Variants in SCYL2 observed in about 807,000 individuals in gnomAD.
The protein encoded by SCYL2 is SCY1-like protein 2.
A neutral mutation model predicts 100.4 loss-of-function variants in SCYL2; 36 were observed. The observed-to-expected ratio is 0.36, with a 90% CI of 0.27 to 0.47. SCYL2 has a LOEUF of 0.47. Among genes scored for constraint, SCYL2 ranks in the 20% least tolerant of loss-of-function variants. The pLI, the probability that SCYL2 is intolerant of heterozygous loss-of-function variation, is 1.00. For synonymous variants in SCYL2, 330 were observed against 359.2 expected (o/e 0.92, Z 0.92); for missense variants, 902 against 1,083.9 (o/e 0.83, Z 2.36).
At chr12:100,318,639 C>T (rs1342057588) in intron 10 of SCYL2, among the ~76,000 whole-genome samples, 5 of 152,052 alleles carry the variant, frequency 3.3e-5, no homozygotes, top group African/African-American at 9.7e-5. Context: ...GCCACGTGTG[C>T]CTTTTTCTCA....
intron 4 of SCYL2, among the ~76,000 whole-genome samples, chr12:100,306,181 C>T (rs190749841): frequency 1.3e-5 from 2 of 152,270 alleles, no homozygotes; most frequent in African/African-American, 2.4e-5. Context: ...GATACCAAAA[C>T]CTGGCAGAGC....
chr12:100,276,304 G>T (rs527480388), intron 1 of SCYL2, among the ~76,000 whole-genome samples: 2 of 152,118 alleles, frequency 1.3e-5, no homozygotes, highest in East Asian at 3.9e-4. Context: ...TTGGTCATTT[G>T]TGTCTTTTAA....
Position 100,339,502 on chromosome 12 carries a change from G to A in SCYL2, c.*330G>A. 1 of 263,692 alleles carries A rather than the reference G, an allele frequency of 3.8e-6. No individual in the cohort carries two copies. The highest frequency in any genetic ancestry group is 5.6e-5 in the South Asian group (1 of 17,858). 16.3% of individuals were successfully genotyped at this position (263,692 alleles called of 1,614,324 possible). On this transcript the variant is annotated 3_prime_UTR_variant, in exon 18 of 18. Coordinates refer to ENST00000360820, the MANE Select transcript of SCYL2 (RefSeq NM_017988.6). ...ATGTTTATTTTGGCTTGTGGATCTT[G>A]GTGTTATTTAAAAAATTGAGGTGAT...
At chr12:100,311,754 G>A (rs1319951319) in intron 5 of SCYL2, among the ~76,000 whole-genome samples, 1 of 152,172 alleles carries the variant, frequency 6.6e-6, no homozygotes, top group African/African-American at 2.4e-5. Context: ...TTTTCTTAAT[G>A]ATTAGGATAC....
chr12:100,318,671 T>C (rs561620900), intron 10 of SCYL2, among the ~76,000 whole-genome samples: 1 of 152,326 alleles, frequency 6.6e-6, no homozygotes, highest in Admixed American at 6.5e-5. Flanking sequence ...AGTAGGTATT[T>C]TCCCATACTC....
intron 3 of SCYL2, among the ~76,000 whole-genome samples, chr12:100,295,251 C>G (rs1402985523): frequency 7.3e-6 from 1 of 137,132 alleles, no homozygotes; most frequent in East Asian, 2.4e-4. Flanking sequence ...ACATCCCAGA[C>G]GATGGGCGGC....
intron 4 of SCYL2, 102 bp from the exon 5 acceptor site, chr12:100,310,942 C>G: frequency 8.5e-7 from 1 of 1,181,314 alleles, no homozygotes; most frequent in African/African-American, 1.6e-5. Context: ...ACACGCAAAA[C>G]TTTTATTGTG....
intron 1 of SCYL2, among the ~76,000 whole-genome samples, chr12:100,280,305 A>G (rs2096296721): frequency 6.6e-6 from 1 of 152,228 alleles, no homozygotes; most frequent in South Asian, 2.1e-4. Context: ...TTTTGAAATA[A>G]TTGTAATAAC....
intron 6 of SCYL2, among the ~76,000 whole-genome samples, chr12:100,312,974 A>G (rs961882365): frequency 1.3e-5 from 2 of 152,056 alleles, no homozygotes; most frequent in Non-Finnish European, 2.9e-5. Context: ...AAATACAAAA[A>G]GTTAGCTGGG....
In SCYL2 at chr12:100,315,676, A is replaced by C. The variant is rs1348390466; in HGVS notation, c.1214A>C (p.Tyr405Ser). 6.2e-7 allele frequency: 1 copy of C among 1,612,340 alleles called. No individual in the cohort carries two copies. Among genetic ancestry groups the C allele is most frequent in the Non-Finnish European group, 8.5e-7 (1 of 1,178,984 alleles). Residue 405 changes from tyrosine (Y) to serine (S), a missense_variant, in exon 9 of 18, where the codon TAT becomes TCT. Tyr to Ser is a moderately radical substitution (Grantham distance 144, BLOSUM62 -2). Coordinates refer to ENST00000360820, the MANE Select transcript of SCYL2 (RefSeq NM_017988.6). ...LIAEECTKEE[Y>S]VKLILPELGP... is the part of the protein sequence containing the mutation. ...GCTGAGGAATGCACCAAAGAAGAAT[A>C]TGTCAAATTAATTCTTCCTGAACTT...
chr12:100,338,096 G>A (rs1754089726), intron 17 of SCYL2, among the ~76,000 whole-genome samples: 1 of 152,110 alleles, frequency 6.6e-6, no homozygotes, highest in Non-Finnish European at 1.5e-5. Flanking sequence ...TTTTCTCTGA[G>A]AAAAACCTTT....
chr12:100,339,490 C>T lies in SCYL2; in HGVS notation c.*318C>T. On this transcript the variant is annotated 3_prime_UTR_variant, in exon 18 of 18. Transcript: ENST00000360820. ...CTTTTTAATCAAATGTTTATTTTGG[C>T]TTGTGGATCTTGGTGTTATTTAAAA... 3.5e-6 allele frequency: 1 copy of T among 282,324 alleles called. No homozygotes were observed. The highest frequency in any genetic ancestry group is 6.7e-6 in the Non-Finnish European group (1 of 149,896). The allele number at this position is 282,324 out of a possible 1,614,324, so 17.5% of individuals were successfully genotyped here. A position where few individuals can be genotyped will look rare whatever the true frequency, so the allele number is the denominator to read the frequency against.
intron 4 of SCYL2, 30 bp downstream of exon 4, chr12:100,298,205 G>C: frequency 6.9e-7 from 1 of 1,452,928 alleles, no homozygotes; most frequent in Non-Finnish European, 9.2e-7. Context: ...ATGTAAAAAA[G>C]AGTTGTTTCC....
At chr12:100,327,391 A>G (rs1218921726) in intron 12 of SCYL2, among the ~76,000 whole-genome samples, 1 of 152,200 alleles carries the variant, frequency 6.6e-6, no homozygotes, top group Admixed American at 6.5e-5. Context: ...ATTTATATAT[A>G]GTTAAAGTTA....
chr12:100,313,671 G>T, intron 7 of SCYL2, 133 bp downstream of exon 7: 3 of 581,980 alleles, frequency 5.2e-6, no homozygotes, highest in Admixed American at 3.0e-5. Flanking sequence ...TAAAGCAACA[G>T]TCAGATACAG....
chr12:100,317,821 CA>C lies in SCYL2; in HGVS notation c.1297del (p.Met433TrpfsTer5). ...EPIQILLIFL[Q>X]KMDLLLTKTP... ...TAAACAGATTTTGTTAATTTTCCTA[CA>C]AAAAATGGATTTGCTACTAACCAAA... On this transcript the variant is annotated frameshift_variant, in exon 10 of 18. Transcript: ENST00000360820. LOFTEE classifies it high-confidence loss of function. 2 of 1,598,104 alleles carry C rather than the reference CA, an allele frequency of 1.3e-6. No individual in the cohort carries two copies. The highest frequency in any genetic ancestry group is 8.5e-7 in the Non-Finnish European group (1 of 1,176,554).
intron 10 of SCYL2, 132 bp downstream of exon 10, chr12:100,318,057 A>C: frequency 1.3e-6 from 1 of 787,202 alleles, no homozygotes; most frequent in Non-Finnish European, 1.9e-6. Context: ...CTTTTGAATC[A>C]CATTATTGAT....
intron 1 of SCYL2, among the ~76,000 whole-genome samples, chr12:100,281,678 GA>G (rs2096298555): frequency 6.6e-6 from 1 of 151,898 alleles, no homozygotes; most frequent in Non-Finnish European, 1.5e-5. Flanking sequence ...CTAGAAAATA[GA>G]AAAAATTAGC....
intron 10 of SCYL2, among the ~76,000 whole-genome samples, chr12:100,320,912 A>T (rs888917575): frequency 1.3e-5 from 2 of 151,946 alleles, no homozygotes; most frequent in African/African-American, 2.4e-5. Context: ...TTAATTAATT[A>T]ATTTATATAT....
Sources: allele counts gnomAD v4.1 joint callset (sites outside exome capture counted in the v4.1 genomes callset), GRCh38; gene constraint gnomAD v4.1.1; transcripts MANE v1.5; gene names NCBI Gene and HGNC (gene_info 2026-07-23, HGNC 2026-07-21).